FYN: variants seen among roughly 807,000 people sequenced by gnomAD.
FYN encodes tyrosine-protein kinase Fyn.
Under a neutral mutation model 70.2 loss-of-function variants are expected in FYN, and 10 were observed. The ratio of observed to expected loss-of-function variants is 0.14; its 90% confidence interval spans 0.09 to 0.24. FYN has a LOEUF of 0.24. FYN is among the 10% of genes least tolerant of loss of function. The pLI, the probability that FYN is intolerant of heterozygous loss-of-function variation, is 1.00. For synonymous variants in FYN, 236 were observed against 248.6 expected (o/e 0.95, Z 0.48); for missense variants, 319 against 673.1 (o/e 0.47, Z 5.82).
At chr6:111,693,826 G>A (rs1010062973) in intron 12 of FYN, among the ~76,000 whole-genome samples, 1 of 152,100 alleles carries the variant, frequency 6.6e-6, no homozygotes, top group Non-Finnish European at 1.5e-5. Context: ...GTGGGGTTGG[G>A]TGTGAATCCC....
rs1774029277 is a variant in FYN, at chr6:111,863,783, G to C, written c.-123+9185C>G. Among the ~76,000 whole-genome samples, 4 of 152,186 alleles carry C rather than the reference G, an allele frequency of 2.6e-5. No homozygotes were observed. In the South Asian group the frequency reaches 8.3e-4, roughly 31 times the overall value. On this transcript the variant is annotated intron_variant, in intron 1 of 13. Coordinates refer to ENST00000354650, the MANE Select transcript of FYN (RefSeq NM_002037.5). Reference sequence around the variant, plus strand: ...GTACTTAGAAACCTTTAAATTACAAGTTAAGAGGTCTTTCTGTGCGGATTT... The same window carrying C: ...GTACTTAGAAACCTTTAAATTACAACTTAAGAGGTCTTTCTGTGCGGATTT...
chr6:111,699,452 TCAAAACCA>T, intron 9 of FYN: 1 of 1,556,574 alleles, frequency 6.4e-7, no homozygotes, highest in Admixed American at 1.8e-5. Flanking sequence ...GCATTTTTGT[TCAAAACCA>T]TCCTTTTAAT....
intron 3 of FYN, among the ~76,000 whole-genome samples, chr6:111,732,929 G>A (rs1478976244): frequency 6.6e-6 from 1 of 152,164 alleles, no homozygotes; most frequent in Non-Finnish European, 1.5e-5. Flanking sequence ...CAACACGAGA[G>A]GCATGAATAT....
intron 3 of FYN, among the ~76,000 whole-genome samples, chr6:111,777,421 T>C (rs1770994678): frequency 6.6e-6 from 1 of 152,198 alleles, no homozygotes; most frequent in African/African-American, 2.4e-5. Context: ...TTACTTATAA[T>C]CTCAGAGTTT....
chr6:111,745,744 T>A (rs1388767351), intron 3 of FYN, among the ~76,000 whole-genome samples: 1 of 152,232 alleles, frequency 6.6e-6, no homozygotes, highest in Non-Finnish European at 1.5e-5. Flanking sequence ...AAATTTGATG[T>A]AAACATCTGC....
intron 2 of FYN, among the ~76,000 whole-genome samples, chr6:111,816,053 G>A (rs1772479775): frequency 6.6e-6 from 1 of 152,064 alleles, no homozygotes; most frequent in South Asian, 2.1e-4. Flanking sequence ...AAAATAAACA[G>A]TATTTTTTAA....
chr6:111,742,671 T>C (rs551733721), intron 3 of FYN, among the ~76,000 whole-genome samples: 1 of 152,336 alleles, frequency 6.6e-6, no homozygotes, highest in South Asian at 2.1e-4. Context: ...AACAGAACTG[T>C]TCCACTCTTT....
At chr6:111,685,263 G>T (rs1260177167) in intron 12 of FYN, among the ~76,000 whole-genome samples, 1 of 152,252 alleles carries the variant, frequency 6.6e-6, no homozygotes, top group Non-Finnish European at 1.5e-5. Context: ...GCCCGTGTCA[G>T]TCTGACTTCA....
intron 3 of FYN, among the ~76,000 whole-genome samples, chr6:111,732,204 C>T (rs938581911): frequency 2.0e-5 from 3 of 152,174 alleles, no homozygotes; most frequent in African/African-American, 4.8e-5. Flanking sequence ...ATACATTCTG[C>T]GAACACTACT....
intron 3 of FYN, among the ~76,000 whole-genome samples, chr6:111,738,015 C>T (rs1003332637): frequency 6.6e-6 from 1 of 152,174 alleles, no homozygotes; most frequent in South Asian, 2.1e-4. Context: ...TCATTTTCAA[C>T]CTAAACAACA....
chr6:111,743,076 C>T (rs1802053419), intron 3 of FYN, among the ~76,000 whole-genome samples: 1 of 151,688 alleles, frequency 6.6e-6, no homozygotes, highest in South Asian at 2.1e-4. Context: ...AAGCAATTCT[C>T]CTGCCTCAGC....
chr6:111,716,248 T>C (rs896033108), intron 4 of FYN, among the ~76,000 whole-genome samples: 4 of 152,232 alleles, frequency 2.6e-5, no homozygotes, highest in South Asian at 2.1e-4. Flanking sequence ...GTTATTTCTT[T>C]TGAGTATTTT....
chr6:111,742,046 C>T (rs1264755598), intron 3 of FYN, among the ~76,000 whole-genome samples: 1 of 152,136 alleles, frequency 6.6e-6, no homozygotes, highest in Non-Finnish European at 1.5e-5. Context: ...AGCTTTCACA[C>T]CCCCTTCCAG....
At chr6:111,747,181 TCAAA>T (rs1802266362) in intron 3 of FYN, among the ~76,000 whole-genome samples, 1 of 152,204 alleles carries the variant, frequency 6.6e-6, no homozygotes, top group Non-Finnish European at 1.5e-5. Flanking sequence ...AGGAAGTGGC[TCAAA>T]AGCATTTTCA....
intron 3 of FYN, among the ~76,000 whole-genome samples, chr6:111,772,971 C>T (rs190767768): frequency 2.0e-4 from 30 of 151,420 alleles, no homozygotes; most frequent in Admixed American, 4.6e-4. Context: ...GGAAATAGTA[C>T]TATAGTATGG....
At chr6:111,737,550 T>C (rs543873625) in intron 3 of FYN, among the ~76,000 whole-genome samples, 1 of 152,330 alleles carries the variant, frequency 6.6e-6, no homozygotes, top group South Asian at 2.1e-4. Context: ...GCGTGGAGCG[T>C]CCACGGCTTC....
At chr6:111,716,012 A>C (rs969109211) in intron 4 of FYN, among the ~76,000 whole-genome samples, 12 of 152,230 alleles carry the variant, frequency 7.9e-5, no homozygotes, top group African/African-American at 2.9e-4. Flanking sequence ...ATTTTAGTAC[A>C]TATAAGATAA....
chr6:111,801,712 C>G (rs1449090506), intron 2 of FYN, among the ~76,000 whole-genome samples: 2 of 152,122 alleles, frequency 1.3e-5, no homozygotes, highest in African/African-American at 4.8e-5. Context: ...GAAAACAGTG[C>G]CTGGGTTGTG....
intron 3 of FYN, among the ~76,000 whole-genome samples, chr6:111,770,797 C>G (rs1036147993): frequency 1.3e-5 from 2 of 152,024 alleles, no homozygotes; most frequent in East Asian, 3.9e-4. Context: ...TGGAAGAACC[C>G]TAACCATTCC....
Sources: allele counts gnomAD v4.1 joint callset (sites outside exome capture counted in the v4.1 genomes callset), GRCh38; gene constraint gnomAD v4.1.1; transcripts MANE v1.5; gene names NCBI Gene and HGNC (gene_info 2026-07-23, HGNC 2026-07-21).